SPTBN1: variants seen among roughly 807,000 people sequenced by gnomAD.
The protein encoded by SPTBN1 is spectrin beta chain, non-erythrocytic 1.
SPTBN1 carries 32 observed loss-of-function variants against 266.4 expected under a neutral mutation model. That is an observed-to-expected ratio of 0.12 (90% confidence interval 0.09 to 0.16). SPTBN1 has a LOEUF of 0.16. Ranked by LOEUF, SPTBN1 falls within the 10% of genes least tolerant of loss-of-function variation. SPTBN1 has a pLI of 1.00. For synonymous variants in SPTBN1, 1,336 were observed against 1,162.2 expected (o/e 1.15, Z -3.04); for missense variants, 2,296 against 3,067.1 (o/e 0.75, Z 5.94).
intron 1 of SPTBN1, among the ~76,000 whole-genome samples, chr2:54,468,364 ATATT>A (rs1421383983): frequency 2.6e-5 from 4 of 151,934 alleles, no homozygotes; most frequent in Admixed American, 6.5e-5. Context: ...GTGTGTATAT[ATATT>A]TATTTATTTA....
rs924106437 is a variant in SPTBN1, at chr2:54,646,481, A to C, written c.4866+6A>C. 4 of 1,501,148 alleles carry C rather than the reference A, an allele frequency of 2.7e-6. No individual in the cohort carries two copies. In the Admixed American group the frequency reaches 9.5e-5, roughly 36 times the overall value. The allele number at this position is 1,501,148 out of a possible 1,614,324, so 93.0% of individuals were successfully genotyped here. On this transcript the variant is annotated splice_donor_region_variant and intron_variant, in intron 23 of 35. Transcript: ENST00000356805. This position sits in a 1 kb window ranked among gnomAD's most constrained non-coding sequence, Gnocchi z 4.4. ...TGTCAGAGGAGAAGGCCAAGGTGAGAGGAGGCGGGAAGCATCCCTGTCCCA... is the reference window on the plus strand; with the variant it reads ...TGTCAGAGGAGAAGGCCAAGGTGAGCGGAGGCGGGAAGCATCCCTGTCCCA...
intron 19 of SPTBN1, 45 bp downstream of exon 19, chr2:54,643,174 G>A (rs917210226): frequency 1.2e-6 from 2 of 1,609,154 alleles, no homozygotes; most frequent in Admixed American, 1.7e-5. Context: ...AAACAAACAG[G>A]GTAGTAATAA....
At chr2:54,457,219 C>G (rs911443759) in intron 1 of SPTBN1, 1 of 147,592 alleles carries the variant, frequency 6.8e-6, no homozygotes, top group African/African-American at 2.5e-5. Context: ...CTCCGGGCGC[C>G]GAGCCGCCGC....
chr2:54,641,544 C>T (rs908777576), intron 18 of SPTBN1, among the ~76,000 whole-genome samples: 2 of 152,166 alleles, frequency 1.3e-5, no homozygotes, highest in Admixed American at 6.5e-5. Context: ...GTAGGAAGTG[C>T]GTGCCTTTAT....
At chr2:54,584,065 C>G (rs1222102246) in intron 2 of SPTBN1, among the ~76,000 whole-genome samples, 1 of 152,126 alleles carries the variant, frequency 6.6e-6, no homozygotes, top group African/African-American at 2.4e-5. Flanking sequence ...TGGAAGATAT[C>G]CTTCGATATC....
chr2:54,524,147 C>T (rs1057163405), intron 1 of SPTBN1, among the ~76,000 whole-genome samples: 2 of 151,936 alleles, frequency 1.3e-5, no homozygotes, highest in African/African-American at 2.4e-5. Flanking sequence ...TGCAGTGAGC[C>T]GAGATGGTGC....
intron 1 of SPTBN1, among the ~76,000 whole-genome samples, chr2:54,467,850 AG>A (rs1259201890): frequency 6.6e-6 from 1 of 152,150 alleles, no homozygotes; most frequent in African/African-American, 2.4e-5. Flanking sequence ...TAAAGGCATA[AG>A]TTAGTATAAA....
chr2:54,655,549 G>A (rs2104166052), intron 28 of SPTBN1, among the ~76,000 whole-genome samples: 1 of 152,290 alleles, frequency 6.6e-6, no homozygotes, highest in Non-Finnish European at 1.5e-5. Flanking sequence ...TAGGATGGTG[G>A]TAATAAAGAG....
At chr2:54,511,311 T>C (rs1669846906) in intron 1 of SPTBN1, among the ~76,000 whole-genome samples, 2 of 152,218 alleles carry the variant, frequency 1.3e-5, no homozygotes, top group Non-Finnish European at 2.9e-5. Context: ...TAAGCAGTCA[T>C]GTGCAGGCCT....
chr2:54,580,327 A>G (rs1340729818), intron 2 of SPTBN1, among the ~76,000 whole-genome samples: 2 of 152,250 alleles, frequency 1.3e-5, no homozygotes, highest in Non-Finnish European at 2.9e-5. Context: ...TGTAGAACTA[A>G]AAAGCATCTG....
chr2:54,660,126 C>A (rs571966321), intron 32 of SPTBN1, 127 bp downstream of exon 32: 1 of 1,582,638 alleles, frequency 6.3e-7, no homozygotes, highest in Non-Finnish European at 8.6e-7. Context: ...TTTCCAAATC[C>A]TCTGGGTTTT....
intron 11 of SPTBN1, among the ~76,000 whole-genome samples, chr2:54,625,719 T>C (rs1448380454): frequency 6.6e-6 from 1 of 152,154 alleles, no homozygotes; most frequent in Non-Finnish European, 1.5e-5. Flanking sequence ...GCCTACCAAG[T>C]AGCTGGCATT....
chr2:54,594,829 G>GTTTTTTTTTTTTTTTTTTTTTTT (rs566074908), intron 2 of SPTBN1, among the ~76,000 whole-genome samples: 1 of 46,378 alleles, frequency 2.2e-5, no homozygotes, highest in African/African-American at 1.7e-4. Flanking sequence ...CCTCTGGTAA[G>GTTTTTTTTTTTTTTTTTTTTTTT]TTTCTTTTTT....
intron 18 of SPTBN1, among the ~76,000 whole-genome samples, chr2:54,639,733 C>T (rs891507047): frequency 2.0e-5 from 3 of 152,224 alleles, no homozygotes; most frequent in African/African-American, 7.2e-5. Flanking sequence ...AAATGAGCAT[C>T]CCTGGTTATG....
At chr2:54,579,208 G>A (rs771232270) in intron 2 of SPTBN1, among the ~76,000 whole-genome samples, 2 of 152,116 alleles carry the variant, frequency 1.3e-5, no homozygotes, top group African/African-American at 4.8e-5. Flanking sequence ...TTCAGTTGCA[G>A]TGTTCTTAGC....
intron 1 of SPTBN1, among the ~76,000 whole-genome samples, chr2:54,492,350 T>G (rs1328649838): frequency 1.4e-5 from 2 of 138,552 alleles, no homozygotes; most frequent in East Asian, 2.1e-4. Flanking sequence ...TGTTTTTTTG[T>G]TTTTTTTTTT....
chr2:54,655,647 C>T (rs940072342), intron 28 of SPTBN1, among the ~76,000 whole-genome samples: 2 of 152,216 alleles, frequency 1.3e-5, no homozygotes, highest in African/African-American at 4.8e-5. Context: ...TGCTGTCCCT[C>T]TCCTGAACGT....
intron 1 of SPTBN1, among the ~76,000 whole-genome samples, chr2:54,505,987 G>C (rs1669531784): frequency 6.6e-6 from 1 of 152,078 alleles, no homozygotes; most frequent in Admixed American, 6.5e-5. Context: ...AGCTGGGCGA[G>C]GTGACGGGTG....
Position 54,620,326 on chromosome 2 carries a change from G to C in SPTBN1, c.764-1074G>C, listed in dbSNP as rs144420696. On this transcript the variant is annotated intron_variant, in intron 7 of 35. Transcript: ENST00000356805. ...GGGAGACAATAATGTCAGCTGTGGG[G>C]ATCATAAATGGTTGTATTGGGTGGT... Among the ~76,000 whole-genome samples the C allele has an allele frequency of 3.3e-3, 504 of 152,342 alleles. 1 individual carries two copies. Among genetic ancestry groups the C allele is most frequent in the African/African-American group, 0.012 (482 of 41,574 alleles).
Sources: allele counts gnomAD v4.1 joint callset (sites outside exome capture counted in the v4.1 genomes callset), GRCh38; gene constraint gnomAD v4.1.1; non-coding constraint Gnocchi (gnomAD v3.1); transcripts MANE v1.5; gene names NCBI Gene and HGNC (gene_info 2026-07-23, HGNC 2026-07-21).